Variants in PTPRD observed in about 807,000 individuals in gnomAD.
PTPRD encodes the protein protein tyrosine phosphatase receptor type D.
In PTPRD, 34 loss-of-function variants were observed where a neutral mutation model predicts 214.5. The observed-to-expected ratio is 0.16, with a 90% CI of 0.12 to 0.21. The LOEUF is 0.21. Among genes scored for constraint, PTPRD ranks in the 10% least tolerant of loss-of-function variants. PTPRD has a pLI of 1.00. For synonymous variants in PTPRD, 1,128 were observed against 845.7 expected, an observed-to-expected ratio of 1.33 and a Z score of -5.79; for missense variants, 2,545 against 2,398.7, an observed-to-expected ratio of 1.06 and a Z score of -1.27.
chr9:8,341,429 CA>C (rs1245523182), intron 40 of PTPRD, among the ~76,000 whole-genome samples, 161 bp from the exon 41 acceptor site: 1 of 152,060 alleles, frequency 6.6e-6, no homozygotes, highest in Non-Finnish European at 1.5e-5. Flanking sequence ...TCTACCTAAT[CA>C]CTCTCTATAG....
intron 14 of PTPRD, among the ~76,000 whole-genome samples, chr9:8,581,965 G>C (rs1175021407): frequency 2.2e-5 from 3 of 136,900 alleles, no homozygotes; most frequent in East Asian, 4.4e-4. Context: ...GGAGGACAGA[G>C]CTATAGATAA....
intron 3 of PTPRD, among the ~76,000 whole-genome samples, chr9:10,152,038 T>C (rs1438498495): frequency 6.6e-6 from 1 of 152,216 alleles, no homozygotes. Context: ...GTTTGTATTT[T>C]ACATTCATAA....
chr9:8,362,458 G>C (rs1304663202), intron 39 of PTPRD, among the ~76,000 whole-genome samples: 5 of 152,144 alleles, frequency 3.3e-5, no homozygotes, highest in African/African-American at 1.2e-4. Context: ...GAGGATTTTT[G>C]TGGTTTGTAA....
At chr9:8,769,658 T>C (rs1303311277) in intron 11 of PTPRD, among the ~76,000 whole-genome samples, 1 of 152,162 alleles carries the variant, frequency 6.6e-6, no homozygotes, top group Non-Finnish European at 1.5e-5. Flanking sequence ...AAAAATGTAA[T>C]GGTTCTACTG....
chr9:8,776,675 T>G (rs1027285298), intron 11 of PTPRD, among the ~76,000 whole-genome samples: 1 of 151,614 alleles, frequency 6.6e-6, no homozygotes, highest in African/African-American at 2.4e-5. Flanking sequence ...GCAGTATGAG[T>G]GATAGCCACA....
At chr9:9,742,639 T>TA (rs35059498) in intron 6 of PTPRD, among the ~76,000 whole-genome samples, 7,163 of 151,054 alleles carry the variant, frequency 0.047, 745 homozygotes, top group East Asian at 0.4. Context: ...TTATCAACCT[T>TA]AAAAAAAAAC....
chr9:8,570,898 C>T (rs1257722912), intron 14 of PTPRD, among the ~76,000 whole-genome samples: 1 of 151,726 alleles, frequency 6.6e-6, no homozygotes, highest in Non-Finnish European at 1.5e-5. Flanking sequence ...GGAGTTCAAG[C>T]TGAATGGGCT....
intron 8 of PTPRD, among the ~76,000 whole-genome samples, chr9:9,483,642 C>G (rs747036071): frequency 2.3e-4 from 35 of 151,998 alleles, no homozygotes; most frequent in Non-Finnish European, 4.0e-4. Context: ...CTTATAGAAT[C>G]CTCACTAGGT....
chr9:10,436,024 T>C (rs1320462769), intron 2 of PTPRD, among the ~76,000 whole-genome samples: 2 of 151,796 alleles, frequency 1.3e-5, no homozygotes, highest in Non-Finnish European at 2.9e-5. Context: ...TTCCCTAAGA[T>C]GATTAAAGCG....
chr9:8,784,449 C>T (rs913531030), intron 11 of PTPRD, among the ~76,000 whole-genome samples: 3 of 152,140 alleles, frequency 2.0e-5, no homozygotes, highest in Non-Finnish European at 4.4e-5. Context: ...ATAACTTGGT[C>T]GGCTTATCAA....
intron 9 of PTPRD, among the ~76,000 whole-genome samples, chr9:9,366,964 T>C (rs1292593843): frequency 6.6e-6 from 1 of 151,152 alleles, no homozygotes; most frequent in Non-Finnish European, 1.5e-5. Context: ...ATGAAAAAAA[T>C]TACAAAATGT....
intron 11 of PTPRD, among the ~76,000 whole-genome samples, chr9:8,877,613 A>C (rs1343702855): frequency 2.6e-5 from 4 of 152,194 alleles, no homozygotes; most frequent in Non-Finnish European, 5.9e-5. Flanking sequence ...ATTTGCTTCT[A>C]TTTACAAAAT....
intron 2 of PTPRD, among the ~76,000 whole-genome samples, chr9:10,518,744 A>C (rs28586972): frequency 6.6e-6 from 1 of 151,830 alleles, no homozygotes; most frequent in Non-Finnish European, 1.5e-5. Flanking sequence ...GTGTTAGCCA[A>C]GATGGTCTTG....
intron 3 of PTPRD, among the ~76,000 whole-genome samples, chr9:10,230,412 CTATCTATG>C (rs56026644): frequency 5.5e-5 from 7 of 126,670 alleles, no homozygotes; most frequent in South Asian, 5.0e-4. Context: ...CTCTATGTAT[CTATCTATG>C]TATCTATGTA....
intron 45 of PTPRD, among the ~76,000 whole-genome samples, chr9:8,319,497 T>C (rs992257481): frequency 2.6e-5 from 4 of 151,818 alleles, no homozygotes. Context: ...TACTAAATAT[T>C]ATGCTTTCTA....
chr9:8,706,728 A>AT (rs1380744817), intron 12 of PTPRD, among the ~76,000 whole-genome samples: 1 of 152,186 alleles, frequency 6.6e-6, no homozygotes, highest in African/African-American at 2.4e-5. Flanking sequence ...ACAACAAACA[A>AT]TGAAAGCTAA....
intron 34 of PTPRD, among the ~76,000 whole-genome samples, chr9:8,441,561 C>A (rs1386276507): frequency 1.3e-5 from 2 of 151,544 alleles, no homozygotes; most frequent in African/African-American, 4.9e-5. Context: ...TTTAAAAGAA[C>A]AAAACCTTCT....
rs1491491927 is a variant in PTPRD, at chr9:9,947,464, C to CTATATATATTTTATATATATAATA, written c.-471-8855_-471-8854insTATTATATATATAAAATATATATA. 3.7e-4 allele frequency among the ~76,000 whole-genome samples: 7 copies of CTATATATATTTTATATATATAATA among 18,840 alleles called. 1 individual carries two copies. Among genetic ancestry groups the CTATATATATTTTATATATATAATA allele is most frequent in the African/African-American group, 2.4e-3 (7 of 2,876 alleles). The allele number at this position is 18,840 out of a possible 152,430, so 12.4% of individuals were successfully genotyped here. On this transcript the variant is annotated intron_variant, in intron 4 of 45. Coordinates refer to ENST00000381196, the MANE Select transcript of PTPRD (RefSeq NM_002839.4). ...TATATTTTATATATTTTTATATATA[C>CTATATATATTTTATATATATAATA]TATATATTATATATATTTTATATAT...
chr9:10,588,662 A>G (rs2074594084), intron 2 of PTPRD, among the ~76,000 whole-genome samples: 1 of 152,024 alleles, frequency 6.6e-6, no homozygotes, highest in Non-Finnish European at 1.5e-5. Flanking sequence ...TGAATATTAA[A>G]TTACTAAGTA....
Sources: gnomAD v4.1 joint callset for allele counts (sites outside exome capture counted in the v4.1 genomes callset) on GRCh38, gnomAD v4.1.1 for gene constraint, MANE v1.5 for transcripts, NCBI Gene and HGNC (gene_info 2026-07-23, HGNC 2026-07-21) for gene names.